ICA1: variants seen among roughly 807,000 people sequenced by gnomAD.
The protein encoded by ICA1 is 69 kDa islet cell autoantigen.
A neutral mutation model predicts 71.0 loss-of-function variants in ICA1; 40 were observed. The observed-to-expected ratio is 0.56, with a 90% CI of 0.44 to 0.73. The LOEUF is 0.73. ICA1 is among the 30% of genes least tolerant of loss of function. ICA1 has a pLI of 0.00. For synonymous variants in ICA1, 207 were observed against 209.5 expected, an observed-to-expected ratio of 0.99 and a Z score of 0.10; for missense variants, 578 against 576.5, an observed-to-expected ratio of 1.00 and a Z score of -0.03.
chr7:8,210,826 C>T (rs56056929), intron 6 of ICA1, among the ~76,000 whole-genome samples: 4 of 152,012 alleles, frequency 2.6e-5, no homozygotes, highest in African/African-American at 4.8e-5. Flanking sequence ...GGGATCCTCA[C>T]CTCAGCTTCC....
chr7:8,217,962 G>A (rs1394007136), intron 6 of ICA1, among the ~76,000 whole-genome samples: 2 of 152,164 alleles, frequency 1.3e-5, no homozygotes, highest in East Asian at 3.8e-4. Context: ...CCAGTAGTCT[G>A]TTCTAACCTC....
At chr7:8,155,129 G>C (rs1801035090) in intron 8 of ICA1, among the ~76,000 whole-genome samples, 1 of 152,036 alleles carries the variant, frequency 6.6e-6, no homozygotes, top group African/African-American at 2.4e-5. Context: ...TTATTTGGTT[G>C]GTTTCTGAAC....
At chr7:8,117,587 T>C (rs914033082) in intron 13 of ICA1, among the ~76,000 whole-genome samples, 5 of 152,256 alleles carry the variant, frequency 3.3e-5, no homozygotes, top group Admixed American at 3.3e-4. Context: ...AGGTAGATGT[T>C]TGCTGATTAA....
chr7:8,149,337 A>C (rs1405992364), intron 8 of ICA1, among the ~76,000 whole-genome samples: 2 of 152,244 alleles, frequency 1.3e-5, no homozygotes, highest in African/African-American at 4.8e-5. Context: ...TTCTTTGTGG[A>C]GGAAAGAATG....
intron 1 of ICA1, among the ~76,000 whole-genome samples, chr7:8,244,027 T>C (rs886416318): frequency 6.9e-6 from 1 of 144,520 alleles, no homozygotes; most frequent in Admixed American, 6.9e-5. Flanking sequence ...TATCCCCATA[T>C]GACTTTCTTC....
chr7:8,161,411 G>C (rs1445052092), intron 6 of ICA1, among the ~76,000 whole-genome samples: 1 of 152,178 alleles, frequency 6.6e-6, no homozygotes, highest in African/African-American at 2.4e-5. Context: ...TGGCATTAAA[G>C]CCTTAACTAA....
intron 13 of ICA1, among the ~76,000 whole-genome samples, chr7:8,119,584 G>A (rs1023186364): frequency 3.3e-5 from 5 of 151,946 alleles, no homozygotes; most frequent in Non-Finnish European, 7.4e-5. Context: ...GGTGGCTCAC[G>A]TCTGTAATCC....
intron 13 of ICA1, among the ~76,000 whole-genome samples, chr7:8,119,760 C>T (rs1287893202): frequency 6.6e-6 from 1 of 152,090 alleles, no homozygotes; most frequent in Non-Finnish European, 1.5e-5. Flanking sequence ...GCAGGAGATT[C>T]GCTTGAACCC....
At chr7:8,150,477 C>T (rs1030740023) in intron 8 of ICA1, among the ~76,000 whole-genome samples, 2 of 152,252 alleles carry the variant, frequency 1.3e-5, no homozygotes, top group African/African-American at 4.8e-5. Context: ...TGTATTCCTG[C>T]TTTCCTGACA....
Position 8,113,908 on chromosome 7 carries a change from C to G in ICA1, c.*15G>C. ...CTGGGGGCGGCATGTGAGTGCCCTCCCGAAGGGTACAGATTCATGCATTGA... is the reference window on the plus strand; with the variant it reads ...CTGGGGGCGGCATGTGAGTGCCCTCGCGAAGGGTACAGATTCATGCATTGA... On this transcript the variant is annotated 3_prime_UTR_variant, in exon 14 of 14. Coordinates refer to ENST00000402384, the MANE Select transcript of ICA1 (RefSeq NM_001136020.3). The surrounding 1 kb of genome is among the most constrained non-coding windows in gnomAD (Gnocchi z 4.2). 2 of 1,614,092 alleles carry G rather than the reference C, an allele frequency of 1.2e-6. No individual in the cohort carries two copies. The highest frequency in any genetic ancestry group is 1.7e-6 in the Non-Finnish European group (2 of 1,179,968).
intron 13 of ICA1, among the ~76,000 whole-genome samples, chr7:8,122,625 G>A (rs866971417): frequency 6.6e-6 from 1 of 152,242 alleles, no homozygotes. Context: ...TGAGGACTGG[G>A]AATGTCCATT....
intron 6 of ICA1, among the ~76,000 whole-genome samples, chr7:8,201,413 C>T (rs908557265): frequency 4.6e-5 from 7 of 152,294 alleles, no homozygotes; most frequent in African/African-American, 1.2e-4. Context: ...ATCCTGCCCA[C>T]CCGTTTCTGG....
At chr7:8,188,414 C>T (rs1439992167) in intron 6 of ICA1, among the ~76,000 whole-genome samples, 1 of 152,154 alleles carries the variant, frequency 6.6e-6, no homozygotes, top group Non-Finnish European at 1.5e-5. Flanking sequence ...CGCTTCCTTG[C>T]CCAGGAACCT....
rs891833371 is a variant in ICA1 at position 8,130,485 on chromosome 7, T to C, written c.1061-2343A>G. 3.9e-5 allele frequency among the ~76,000 whole-genome samples: 6 copies of C among 152,242 alleles called. No homozygotes were observed. Among genetic ancestry groups the C allele is most frequent in the African/African-American group, 1.2e-4 (5 of 41,466 alleles). On this transcript the variant is annotated intron_variant, in intron 12 of 13. Transcript: ENST00000402384. The surrounding 1 kb of genome is among the most constrained non-coding windows in gnomAD (Gnocchi z 4.2). ...CATTACAGAACTCTATACTTCCTAC[T>C]TTCAGGTAGGACTGGAATGCCCAAA...
intron 1 of ICA1, among the ~76,000 whole-genome samples, chr7:8,249,701 T>A (rs1048936030): frequency 6.6e-6 from 1 of 152,244 alleles, no homozygotes; most frequent in Non-Finnish European, 1.5e-5. Context: ...TCTGGAAATA[T>A]GACCAGTCTT....
intron 6 of ICA1, among the ~76,000 whole-genome samples, chr7:8,165,131 C>T (rs911831269): frequency 1.3e-5 from 2 of 152,112 alleles, no homozygotes; most frequent in African/African-American, 4.8e-5. Context: ...ATTTATTTGG[C>T]TTCATTAAAA....
chr7:8,159,600 T>C (rs936206913), intron 6 of ICA1, among the ~76,000 whole-genome samples: 2 of 151,992 alleles, frequency 1.3e-5, no homozygotes, highest in Non-Finnish European at 2.9e-5. Flanking sequence ...CTGGGGAGGC[T>C]AAGGTGGGAG....
chr7:8,158,596 A>C lies in ICA1; in HGVS notation c.636T>G (p.Val212=), dbSNP rs7798010. 0.032 allele frequency: 51,660 copies of C among 1,613,980 alleles called. 5,848 individuals carry two copies. In the African/African-American group the frequency reaches 0.38, roughly 12 times the overall value. The change falls in exon 7 of 14, where the codon GTT becomes GTG. Residue 212 remains valine, a synonymous_variant. Coordinates refer to ENST00000402384, the MANE Select transcript of ICA1 (RefSeq NM_001136020.3). ...CTCCAAGAAGATCCACTTTTTGACA[A>C]ACATCCATCTTCAATTTGTCAAAGT... ...KKNFDKLKMD[V]CQKVDLLGAS... is the part of the protein sequence containing the mutation.
At position 8,226,485 on chromosome 7, in the gene ICA1, G is replaced by A. The variant is rs921494610; in HGVS notation, c.256+2116C>T. 2.0e-5 allele frequency among the ~76,000 whole-genome samples: 3 copies of A among 152,074 alleles called. No homozygotes were observed. Among genetic ancestry groups the A allele is most frequent in the African/African-American group, 7.2e-5 (3 of 41,384 alleles). On this transcript the variant is annotated intron_variant, in intron 4 of 13. Transcript: ENST00000402384. The surrounding 1 kb of genome is among the most constrained non-coding windows in gnomAD (Gnocchi z 4.4). Reference sequence around the variant, plus strand: ...ATGAAGGATAGCATACTATAGATACGCTTTTATGTTTTGCTTCTTTCACTT... The same window carrying A: ...ATGAAGGATAGCATACTATAGATACACTTTTATGTTTTGCTTCTTTCACTT...
Sources: gnomAD v4.1 joint callset for allele counts (sites outside exome capture counted in the v4.1 genomes callset) on GRCh38, gnomAD v4.1.1 for gene constraint, Gnocchi (gnomAD v3.1) non-coding constraint, MANE v1.5 for transcripts, NCBI Gene and HGNC (gene_info 2026-07-23, HGNC 2026-07-21) for gene names.